Variants in MTREX observed in about 807,000 individuals in gnomAD.
MTREX encodes the protein exosome RNA helicase MTR4.
A neutral mutation model predicts 135.4 loss-of-function variants in MTREX; 76 were observed. The ratio of observed to expected loss-of-function variants is 0.56; its 90% CI spans 0.47 to 0.68. MTREX has a LOEUF of 0.68. Among genes scored for constraint, MTREX ranks in the 30% least tolerant of loss-of-function variants. MTREX has a pLI of 0.00. For missense variants in MTREX, 920 were observed against 1,262.1 expected (o/e 0.73, Z 4.11); for synonymous variants, 404 against 401.6 (o/e 1.01, Z -0.07).
In MTREX at chr5:55,375,329, C is replaced by T. The variant is rs142082794; in HGVS notation, c.1811-2985C>T. 4.3e-4 allele frequency among the ~76,000 whole-genome samples: 65 copies of T among 152,188 alleles called. No individual in the cohort carries two copies. In the East Asian group the frequency reaches 0.011, roughly 27 times the overall value. The stretch of plus-strand genomic sequence containing the variant: ...GGGGTCTATTTCACCCCGGCAGTCT[C>T]GAACATAAGAGACAGGTACGCCCCA... On this transcript the variant is annotated intron_variant, in intron 16 of 26. Coordinates refer to ENST00000230640, the MANE Select transcript of MTREX (RefSeq NM_015360.5).
Position 55,422,985 on chromosome 5 carries a change from C to T in MTREX, c.3076+3C>T. 6.2e-7 allele frequency: 1 copy of T among 1,609,494 alleles called. No homozygotes were observed. Among genetic ancestry groups the T allele is most frequent in the Non-Finnish European group, 8.5e-7 (1 of 1,176,372 alleles). On this transcript the variant is annotated splice_donor_region_variant and intron_variant, in intron 26 of 26. Transcript: ENST00000230640. ...GCTGGAAAATAAATTTGCAGAAGGT[C>T]AGTATCAAATGGATAAGCTGTTTCT... is the stretch of plus-strand genomic sequence containing the variant.
At chr5:55,396,471 A>C (rs1230724131) in intron 19 of MTREX, among the ~76,000 whole-genome samples, 1 of 152,184 alleles carries the variant, frequency 6.6e-6, no homozygotes, top group Non-Finnish European at 1.5e-5. Context: ...TCAAATGATT[A>C]AAAAAGGAAG....
chr5:55,328,859 T>C (rs1749423672), intron 5 of MTREX, 48 bp downstream of exon 5: 1 of 1,243,692 alleles, frequency 8.0e-7, no homozygotes, highest in South Asian at 1.3e-5. Context: ...TTTCACTCTT[T>C]AAAAGTTTCT....
chr5:55,318,681 A>C (rs1749238325), intron 1 of MTREX, among the ~76,000 whole-genome samples: 1 of 152,164 alleles, frequency 6.6e-6, no homozygotes, highest in African/African-American at 2.4e-5. Flanking sequence ...CTTAATATCT[A>C]GATGATGAAA....
At chr5:55,369,685 CTT>C (rs1264824832) in intron 16 of MTREX, among the ~76,000 whole-genome samples, 1 of 152,040 alleles carries the variant, frequency 6.6e-6, no homozygotes, top group Non-Finnish European at 1.5e-5. Flanking sequence ...AAAAGAAAAC[CTT>C]TTACCTGAGG....
intron 19 of MTREX, among the ~76,000 whole-genome samples, chr5:55,392,404 A>G (rs963350413): frequency 1.3e-5 from 2 of 152,068 alleles, no homozygotes; most frequent in African/African-American, 4.8e-5. Flanking sequence ...ATTAGCTGGC[A>G]TGATGGTGTG....
intron 22 of MTREX, among the ~76,000 whole-genome samples, chr5:55,407,075 T>C (rs929496907): frequency 6.6e-6 from 1 of 152,236 alleles, no homozygotes; most frequent in Non-Finnish European, 1.5e-5. Context: ...AAGACACTTT[T>C]GAAACAGTTT....
intron 1 of MTREX, among the ~76,000 whole-genome samples, chr5:55,316,335 A>G (rs920175258): frequency 3.9e-5 from 6 of 152,084 alleles, no homozygotes; most frequent in African/African-American, 7.2e-5. Context: ...CACAACGACA[A>G]AAAACTTCAG....
chr5:55,413,309 C>T (rs1228070557), intron 23 of MTREX, among the ~76,000 whole-genome samples: 1 of 148,056 alleles, frequency 6.8e-6, no homozygotes, highest in East Asian at 2.0e-4. Flanking sequence ...TGCACTCCAG[C>T]TGGGCAACAG....
Position 55,388,608 on chromosome 5 carries a change from G to A in MTREX, c.2181+506G>A, listed in dbSNP as rs528631551. ...TGATTTTGCCCAAATGTAAGCCAGT[G>A]TAAGTGTTCTTAGCACATTTAAGGT... On this transcript the variant is annotated intron_variant, in intron 19 of 26. Transcript: ENST00000230640. 3.3e-5 allele frequency among the ~76,000 whole-genome samples: 5 copies of A among 152,282 alleles called. No homozygotes were observed. The East Asian group carries it at 5.8e-4, about 18-fold the overall frequency.
chr5:55,418,924 C>A (rs1311776228), intron 25 of MTREX, among the ~76,000 whole-genome samples: 3 of 152,202 alleles, frequency 2.0e-5, no homozygotes, highest in East Asian at 1.9e-4. Context: ...GCTCACTGCA[C>A]CCTCCATCTC....
chr5:55,354,831 G>A (rs1749884162), intron 14 of MTREX, among the ~76,000 whole-genome samples: 1 of 152,214 alleles, frequency 6.6e-6, no homozygotes, highest in South Asian at 2.1e-4. Flanking sequence ...AGCCTGGTTT[G>A]TGGTGGGGGG....
At chr5:55,347,440 G>A (rs1355309586) in intron 11 of MTREX, among the ~76,000 whole-genome samples, 41 of 152,210 alleles carry the variant, frequency 2.7e-4, no homozygotes, top group East Asian at 5.8e-4. Flanking sequence ...CTCAGTTATT[G>A]TGGCTCTCTA....
Position 55,425,431 on chromosome 5 carries a change from G to T in MTREX, c.*659G>T. The T allele has an allele frequency of 1.7e-6, 2 of 1,169,098 alleles. No homozygotes were observed. The highest frequency in any genetic ancestry group is 2.8e-4 in the Middle Eastern group (1 of 3,560). The allele number at this position is 1,169,098 out of a possible 1,614,324, so 72.4% of individuals were successfully genotyped here. A position where few individuals can be genotyped will look rare whatever the true frequency, so the allele number is the denominator to read the frequency against. On this transcript the variant is annotated 3_prime_UTR_variant, in exon 27 of 27. Transcript: ENST00000230640. ...CATCCTAAGATAAATATAAACAAAA[G>T]GATATACTTTGAGGTGTACAGATTA... is the stretch of plus-strand genomic sequence containing the variant.
intron 25 of MTREX, among the ~76,000 whole-genome samples, chr5:55,421,263 A>C (rs1290873548): frequency 6.6e-6 from 1 of 152,242 alleles, no homozygotes; most frequent in Admixed American, 6.5e-5. Context: ...TAGACAATTC[A>C]CTACTTAATC....
intron 15 of MTREX, among the ~76,000 whole-genome samples, chr5:55,361,686 G>A (rs755600717): frequency 6.6e-6 from 1 of 151,482 alleles, no homozygotes; most frequent in Non-Finnish European, 1.5e-5. Context: ...TCGAACTCCT[G>A]ACCTCAGGTG....
intron 12 of MTREX, 47 bp downstream of exon 12, chr5:55,349,699 G>A: frequency 1.0e-6 from 1 of 986,956 alleles, no homozygotes; most frequent in Non-Finnish European, 1.6e-6. Flanking sequence ...ATAATAGATT[G>A]CATATATTCA....
At chr5:55,423,483 T>C (rs1751088767) in intron 26 of MTREX, 1 of 154,200 alleles carries the variant, frequency 6.5e-6, no homozygotes, top group Non-Finnish European at 1.4e-5. Context: ...TGGAGCAGAA[T>C]GGGCAGTGAG....
At chr5:55,328,191 C>T (rs755734188) in intron 4 of MTREX, among the ~76,000 whole-genome samples, 2 of 151,974 alleles carry the variant, frequency 1.3e-5, no homozygotes, top group Non-Finnish European at 2.9e-5. Flanking sequence ...GTTTAATTTT[C>T]CAAGTAATTT....
Sources: gnomAD v4.1 joint callset for allele counts (sites outside exome capture counted in the v4.1 genomes callset) on GRCh38, gnomAD v4.1.1 for gene constraint, MANE v1.5 for transcripts, NCBI Gene and HGNC (gene_info 2026-07-23, HGNC 2026-07-21) for gene names.